The following HEPN1 variants were observed in gnomAD, a reference collection of about 807,000 sequenced individuals.
HEPN1 encodes the protein hepatocellular carcinoma, down-regulated 1.
For synonymous variants in HEPN1, 46 were observed against 41.2 expected, an observed-to-expected ratio of 1.12 and a Z score of -0.45; for missense variants, 97 against 103.3, an observed-to-expected ratio of 0.94 and a Z score of 0.26.
In HEPN1 at chr11:124,920,343, A is replaced by C. The variant is rs547548059; in HGVS notation, c.*326A>C. 5.4e-6 allele frequency: 8 copies of C among 1,487,106 alleles called. No homozygotes were observed. In the Admixed American group the frequency reaches 1.5e-4, roughly 28 times the overall value. 92.1% of individuals were successfully genotyped at this position (1,487,106 alleles called of 1,614,324 possible). A position where few individuals can be genotyped will look rare whatever the true frequency, so the allele number is the denominator to read the frequency against. On this transcript the variant is annotated 3_prime_UTR_variant, in exon 1 of 1. Transcript: ENST00000408930. ...AGTAAGTGAAATTCACTTCTCTATA[A>C]GAATAAGCCCATCCATCTCTTTTAT...
exon 1 of HEPN1, chr11:124,920,493 T>G (rs1395403362): frequency 2.6e-6 from 4 of 1,519,294 alleles, no homozygotes; most frequent in Non-Finnish European, 3.5e-6. Context: ...GGAAAAGGAA[T>G]GTACTCGTAC....
chr11:124,920,446 C>A (rs1947112398), exon 1 of HEPN1: 1 of 1,546,420 alleles, frequency 6.5e-7, no homozygotes, highest in Non-Finnish European at 8.7e-7. Context: ...AGCTGGCAGG[C>A]TCGGGTTCTT....
chr11:124,920,175 A>C, exon 1 of HEPN1: 1 of 936,116 alleles, frequency 1.1e-6, no homozygotes, highest in Non-Finnish European at 1.6e-6. Context: ...ATTAGGACTT[A>C]TTCTCACAGC....
chr11:124,919,647 C>G (rs1947096254), exon 1 of HEPN1: 1 of 1,333,450 alleles, frequency 7.5e-7, no homozygotes, highest in Non-Finnish European at 1.0e-6. Context: ...TGCCGAGGGA[C>G]AGGGAGCTGA....
exon 1 of HEPN1, chr11:124,920,594 C>A: frequency 8.7e-7 from 1 of 1,154,540 alleles, no homozygotes. Flanking sequence ...ACAGCCCCTG[C>A]ACACCCAGTA....
At chr11:124,920,480 G>A (rs1165767391) in exon 1 of HEPN1, 2 of 1,533,436 alleles carry the variant, frequency 1.3e-6, no homozygotes, top group Admixed American at 4.0e-5. Context: ...GCCCAGGTCA[G>A]AGGGAAAAGG....
chr11:124,919,688 G>A, exon 1 of HEPN1: 1 of 1,576,670 alleles, frequency 6.3e-7, no homozygotes, highest in South Asian at 1.2e-5. Flanking sequence ...CAGGGCAGAG[G>A]GGGCAAACTA....
At chr11:124,920,206 T>C in exon 1 of HEPN1, 1 of 869,296 alleles carries the variant, frequency 1.2e-6, no homozygotes, top group Non-Finnish European at 1.8e-6. Context: ...TCAACAACTT[T>C]CCTGAGGACA....
rs1947108747 is a variant in HEPN1 at position 124,920,240 on chromosome 11, T to C, written c.*223T>C. The C allele has an allele frequency of 4.4e-6, 4 of 903,860 alleles. No homozygotes were observed. The Admixed American group carries it at 1.2e-4, about 26-fold the overall frequency. 56.0% of individuals were successfully genotyped at this position (903,860 alleles called of 1,614,324 possible). A position where few individuals can be genotyped will look rare whatever the true frequency, so the allele number is the denominator to read the frequency against. On this transcript the variant is annotated 3_prime_UTR_variant, in exon 1 of 1. Transcript: ENST00000408930. The stretch of plus-strand genomic sequence containing the variant: ...CAATGATTGTTTGAAAGGCTTGTTT[T>C]GTAAGGAAGCCAGGAGGAATATATG...
At chr11:124,919,423 A>C in exon 1 of HEPN1, 1 of 289,358 alleles carries the variant, frequency 3.5e-6, no homozygotes, top group Non-Finnish European at 6.4e-6. Flanking sequence ...CCCCTCAGGG[A>C]TTCAGCACCA....
At chr11:124,920,465 C>G (rs1436993991) in exon 1 of HEPN1, 1 of 1,541,956 alleles carries the variant, frequency 6.5e-7, no homozygotes, top group Non-Finnish European at 8.8e-7. Context: ...TTTGCCCTTG[C>G]TAGCGCCCAG....
exon 1 of HEPN1, chr11:124,920,074 G>A: frequency 6.4e-7 from 1 of 1,559,318 alleles, no homozygotes; most frequent in Non-Finnish European, 8.7e-7. Flanking sequence ...GAGCAGGGCA[G>A]ATGGGTGGCA....
chr11:124,920,677 GCAAAAAAAA>G (rs1947118089), downstream of HEPN1: 48 of 108,126 alleles, frequency 4.4e-4, no homozygotes, highest in South Asian at 5.2e-4. Flanking sequence ...ATCTGAACTT[GCAAAAAAAA>G]AAAAAAAAAA....
At chr11:124,919,728 A>G in exon 1 of HEPN1, 1 of 1,611,004 alleles carries the variant, frequency 6.2e-7, no homozygotes, top group Non-Finnish European at 8.5e-7. Context: ...GGCTGAGACA[A>G]AACTTGACCT....
chr11:124,919,604 G>A (rs975055231), exon 1 of HEPN1: 23 of 860,446 alleles, frequency 2.7e-5, no homozygotes, highest in South Asian at 1.4e-4. Flanking sequence ...GGGGAGCTGC[G>A]AAGGCACACC....
rs1490621931 is a variant in HEPN1, at chr11:124,919,911, C to T, written c.161C>T (p.Pro54Leu). 6 of 1,613,980 alleles carry T rather than the reference C, an allele frequency of 3.7e-6. No homozygotes were observed. The African/African-American group carries it at 4.0e-5, about 11-fold the overall frequency. Residue 54 changes from proline (P) to leucine (L), a missense_variant, in exon 1 of 1, where the codon CCT becomes CTT. Transcript: ENST00000408930. ...TTCAGCTTTTTAATTGCCCTCTCTC[C>T]TCACACAGTAGATTACTGCCACTCC...
rs571076673 is a variant in HEPN1 at position 124,919,557 on chromosome 11, C to T, written c.-194C>T. Reference sequence around the variant, plus strand: ...TCTTGAGAAACTTTTCCCCTACATGCATTATCTCATTATGGATGAGGCACC... The same window carrying T: ...TCTTGAGAAACTTTTCCCCTACATGTATTATCTCATTATGGATGAGGCACC... On this transcript the variant is annotated 5_prime_UTR_variant, in exon 1 of 1. Transcript: ENST00000408930. 43 of 611,102 alleles carry T rather than the reference C, an allele frequency of 7.0e-5. No individual in the cohort carries two copies. The African/African-American group carries it at 7.4e-4, about 10-fold the overall frequency. The allele number at this position is 611,102 out of a possible 1,614,324, so 37.9% of individuals were successfully genotyped here.
At chr11:124,920,607 C>T (rs528472804) in exon 1 of HEPN1, 1 of 1,085,204 alleles carries the variant, frequency 9.2e-7, no homozygotes, top group African/African-American at 1.8e-5. Context: ...ACCCAGTAAC[C>T]GGCATCTGGC....
exon 1 of HEPN1, chr11:124,920,511 T>C: frequency 6.8e-7 from 1 of 1,468,716 alleles, no homozygotes; most frequent in South Asian, 1.3e-5. Flanking sequence ...TACCCTTCCC[T>C]CACCACCTTG....
Sources: gnomAD v4.1 joint callset for allele counts on GRCh38, gnomAD v4.1.1 for gene constraint, MANE v1.5 for transcripts, NCBI Gene and HGNC (gene_info 2026-07-23, HGNC 2026-07-21) for gene names.